DMXL2: variants seen among roughly 807,000 people sequenced by gnomAD.
DMXL2 encodes dmX-like protein 2.
DMXL2 carries 103 observed loss-of-function variants against 331.1 expected under a neutral mutation model. That is an observed-to-expected ratio of 0.31 (90% CI 0.27 to 0.37). The LOEUF is 0.37. Among genes scored for constraint, DMXL2 ranks in the 10% least tolerant of loss-of-function variants. The pLI is 1.00. For missense variants in DMXL2, 3,171 were observed against 3,642.9 expected (o/e 0.87, Z 3.33); for synonymous variants, 1,281 against 1,252.1 (o/e 1.02, Z -0.49).
chr15:51,489,669 G>C (rs1595985563), intron 20 of DMXL2, among the ~76,000 whole-genome samples: 1 of 151,342 alleles, frequency 6.6e-6, no homozygotes, highest in African/African-American at 2.4e-5. Flanking sequence ...AAAAAAAAAA[G>C]AAAGAAAGAA....
At chr15:51,581,112 G>A (rs1380119963) in intron 1 of DMXL2, among the ~76,000 whole-genome samples, 1 of 152,124 alleles carries the variant, frequency 6.6e-6, no homozygotes, top group African/African-American at 2.4e-5. Flanking sequence ...GTTAGGAACT[G>A]GGCCTCACAG....
intron 2 of DMXL2, among the ~76,000 whole-genome samples, chr15:51,569,158 C>T (rs1873357473): frequency 6.6e-6 from 1 of 152,162 alleles, no homozygotes; most frequent in South Asian, 2.1e-4. Context: ...CGGGTCCCAC[C>T]CCCACGGAGC....
rs1841184622 is a variant in DMXL2, at chr15:51,502,923, A to G, written c.2875T>C (p.Ser959Pro). The change falls in exon 17 of 44, where the codon TCA (serine) becomes CCA (proline). Residue 959 changes from serine to proline, a missense_variant. Coordinates refer to ENST00000560891, the MANE Select transcript of DMXL2 (RefSeq NM_001378457.1). ...GCAGTTTGAAGATTGGCAATTGATG[A>G]AGAATGTGGCATGGGGCTCACACTA... is the stretch of plus-strand genomic sequence containing the variant. ...SPSVSPMPHS[S>P]SIANLQTASK... 1.2e-6 allele frequency: 2 copies of G among 1,613,994 alleles called. No individual in the cohort carries two copies. The highest frequency in any genetic ancestry group is 2.2e-5 in the East Asian group (1 of 44,874).
At chr15:51,546,808 A>T (rs981957838) in intron 7 of DMXL2, among the ~76,000 whole-genome samples, 1 of 152,130 alleles carries the variant, frequency 6.6e-6, no homozygotes, top group Non-Finnish European at 1.5e-5. Flanking sequence ...CACCATATAC[A>T]TAATTGACAT....
At chr15:51,505,630 CAAG>C (rs988736995) in intron 16 of DMXL2, among the ~76,000 whole-genome samples, 1 of 152,172 alleles carries the variant, frequency 6.6e-6, no homozygotes, top group Non-Finnish European at 1.5e-5. Flanking sequence ...CCTGGTGCCT[CAAG>C]AAGATTAGGC....
chr15:51,524,971 G>A (rs1042905261), intron 13 of DMXL2, among the ~76,000 whole-genome samples: 5 of 151,602 alleles, frequency 3.3e-5, no homozygotes, highest in Admixed American at 2.0e-4. Flanking sequence ...TACAACTCAC[G>A]GCTCCAAAGG....
At chr15:51,493,213 A>G (rs2042929583) in intron 19 of DMXL2, among the ~76,000 whole-genome samples, 1 of 152,186 alleles carries the variant, frequency 6.6e-6, no homozygotes, top group Non-Finnish European at 1.5e-5. Context: ...TTACTTTATC[A>G]AATAATTGAT....
At chr15:51,578,977 C>T (rs572740241) in intron 1 of DMXL2, among the ~76,000 whole-genome samples, 3 of 152,240 alleles carry the variant, frequency 2.0e-5, no homozygotes, top group South Asian at 2.1e-4. Context: ...TGGTGTCACA[C>T]GACTGCAGTC....
intron 1 of DMXL2, among the ~76,000 whole-genome samples, chr15:51,599,794 C>A (rs891270266): frequency 3.3e-5 from 5 of 151,948 alleles, no homozygotes; most frequent in Admixed American, 6.6e-5. Context: ...TCACCTCCCA[C>A]GTTCAAGCGA....
chr15:51,511,487 G>A (rs2046752114), intron 15 of DMXL2, among the ~76,000 whole-genome samples: 1 of 152,336 alleles, frequency 6.6e-6, no homozygotes. Flanking sequence ...AAACCACAAT[G>A]AGATACCATC....
At chr15:51,454,607 C>T (rs1291673968) in intron 40 of DMXL2, among the ~76,000 whole-genome samples, 1 of 152,124 alleles carries the variant, frequency 6.6e-6, no homozygotes, top group Non-Finnish European at 1.5e-5. Flanking sequence ...AGCGATTCTC[C>T]TGCCTCAGCC....
rs1226268095 is a variant in DMXL2 at position 51,587,833 on chromosome 15, G to GT, written c.88-11653dup. Among the ~76,000 whole-genome samples the GT allele has an allele frequency of 5.3e-5, 8 of 152,218 alleles. No homozygotes were observed. In the East Asian group the frequency reaches 1.5e-3, roughly 29 times the overall value. On this transcript the variant is annotated intron_variant, in intron 1 of 43. Coordinates refer to ENST00000560891, the MANE Select transcript of DMXL2 (RefSeq NM_001378457.1). ...CTCCACATCCTCTCCAGCACCTGTT[G>GT]TTTCCTGACTTTTTAATGATCGCCA...
chr15:51,585,203 T>C (rs2051711315), intron 1 of DMXL2, among the ~76,000 whole-genome samples: 2 of 119,446 alleles, frequency 1.7e-5, no homozygotes, highest in South Asian at 6.5e-4. Context: ...CCCTGTCATG[T>C]GCCAGTTTTC....
chr15:51,485,937 C>A, intron 23 of DMXL2, 136 bp downstream of exon 23: 1 of 906,786 alleles, frequency 1.1e-6, no homozygotes, highest in South Asian at 2.2e-5. Context: ...TTTAGACACA[C>A]AAGAAATTTT....
At chr15:51,610,644 T>G (rs1214857860) in intron 1 of DMXL2, among the ~76,000 whole-genome samples, 1 of 152,000 alleles carries the variant, frequency 6.6e-6, no homozygotes, top group African/African-American at 2.4e-5. Flanking sequence ...GGCCGGTGCC[T>G]GTAGTCCCAG....
chr15:51,553,360 A>G (rs2049340339), intron 6 of DMXL2, among the ~76,000 whole-genome samples: 1 of 152,224 alleles, frequency 6.6e-6, no homozygotes, highest in South Asian at 2.1e-4. Context: ...TGCACTATCA[A>G]TTTTACGTAT....
In DMXL2 at chr15:51,474,367, C is replaced by G. The variant is rs202019976; in HGVS notation, c.7190G>C (p.Arg2397Pro). 6 of 1,609,634 alleles carry G rather than the reference C, an allele frequency of 3.7e-6. 1 individual carries two copies. The Admixed American group carries it at 1.0e-4, about 27-fold the overall frequency. ...ACCTGAAATATTTTCTGATTGTCTT[C>G]GAGGTTTCACAACAAGTTTTACACC... ...GGGVKLVVKP[R>P]RQSENISAPP... Residue 2397 changes from arginine (R) to proline (P), a missense_variant, in exon 28 of 44, where the codon CGA (arginine) becomes CCA (proline). By Grantham distance (103) the Arg-to-Pro change is moderately radical. Coordinates refer to ENST00000560891, the MANE Select transcript of DMXL2 (RefSeq NM_001378457.1).
At chr15:51,554,383 C>T (rs1235872550) in intron 6 of DMXL2, among the ~76,000 whole-genome samples, 1 of 151,912 alleles carries the variant, frequency 6.6e-6, no homozygotes, top group African/African-American at 2.4e-5. Context: ...TTTAAAGATC[C>T]AAAGTTTTAA....
At chr15:51,504,876 A>C (rs993061476) in intron 16 of DMXL2, among the ~76,000 whole-genome samples, 3 of 152,210 alleles carry the variant, frequency 2.0e-5, no homozygotes, top group Non-Finnish European at 2.9e-5. Context: ...CCTGTAAATC[A>C]TACTATTTTC....
Sources: gnomAD v4.1 joint callset for allele counts (sites outside exome capture counted in the v4.1 genomes callset) on GRCh38, gnomAD v4.1.1 for gene constraint, MANE v1.5 for transcripts, NCBI Gene and HGNC (gene_info 2026-07-23, HGNC 2026-07-21) for gene names.